The following GRM4 variants were observed in gnomAD, a reference collection of about 807,000 sequenced individuals.
The protein encoded by GRM4 is glutamate metabotropic receptor 4, also known as metabotropic glutamate receptor 4.
GRM4 carries 28 observed loss-of-function variants against 81.7 expected under a neutral mutation model. That is an observed-to-expected ratio of 0.34 (90% confidence interval 0.25 to 0.47). The LOEUF (loss-of-function observed/expected upper bound fraction) is 0.47. Among genes scored for constraint, GRM4 ranks in the 20% least tolerant of loss-of-function variants. The probability of loss-of-function intolerance (pLI) is 1.00; values close to 1 mark genes in which losing one functional copy is unlikely to be tolerated. For synonymous variants in GRM4, 488 were observed against 528.8 expected (o/e 0.92, Z 1.06); for missense variants, 948 against 1,290.0 (o/e 0.73, Z 4.06).
chr6:34,027,664 A>G (rs1375532089), intron 10 of GRM4, among the ~76,000 whole-genome samples: 1 of 152,124 alleles, frequency 6.6e-6, no homozygotes, highest in Non-Finnish European at 1.5e-5. Flanking sequence ...CGGGTTACCA[A>G]AGGGCCAGTG....
chr6:34,059,760 T>C lies in GRM4; in HGVS notation c.873-632A>G, dbSNP rs1766087460. On this transcript the variant is annotated intron_variant, in intron 4 of 10. Transcript: ENST00000538487. This position sits in a 1 kb window ranked among gnomAD's most constrained non-coding sequence, Gnocchi z 5.7. Reference sequence around the variant, plus strand: ...ACACAGCCCAGTCTGCCTGTGATGGTAATATAAATCAAACCAGGGACCCAA... The same window carrying C: ...ACACAGCCCAGTCTGCCTGTGATGGCAATATAAATCAAACCAGGGACCCAA... 1 of 152,484 alleles carries C rather than the reference T, an allele frequency of 6.6e-6. No homozygotes were observed. The highest frequency in any genetic ancestry group is 6.5e-5 in the Admixed American group (1 of 15,330). 9.4% of individuals were successfully genotyped at this position (152,484 alleles called of 1,614,324 possible).
Position 34,144,056 on chromosome 6 carries a change from T to A in GRM4, c.-364+1944A>T, listed in dbSNP as rs376132420. Among the ~76,000 whole-genome samples, 10 of 152,242 alleles carry A rather than the reference T, an allele frequency of 6.6e-5. No homozygotes were observed. In the East Asian group the frequency reaches 1.9e-3, roughly 29 times the overall value. ...GTTCTCCCGCGCCAGGGGCCGGCAATGGTGCGGAGAGGGGAGAAAGAAGCA... is the reference window on the plus strand; with the variant it reads ...GTTCTCCCGCGCCAGGGGCCGGCAAAGGTGCGGAGAGGGGAGAAAGAAGCA... On this transcript the variant is annotated intron_variant, in intron 1 of 10. Coordinates refer to ENST00000538487, the MANE Select transcript of GRM4 (RefSeq NM_000841.4).
chr6:34,079,899 C>T (rs1767498216), intron 3 of GRM4, among the ~76,000 whole-genome samples: 1 of 152,192 alleles, frequency 6.6e-6, no homozygotes, highest in South Asian at 2.1e-4. Flanking sequence ...GGGCCCCACT[C>T]TATTCCCTGC....
At chr6:34,053,907 C>G (rs548967640) in intron 6 of GRM4, among the ~76,000 whole-genome samples, 3 of 152,368 alleles carry the variant, frequency 2.0e-5, no homozygotes, top group African/African-American at 7.2e-5. Flanking sequence ...GCCTAGGCCC[C>G]ACCCCTAAGG....
rs1763880944 is a variant in GRM4, at chr6:34,021,776, C to T, written c.*1045G>A. 1 of 152,802 alleles carries T rather than the reference C, an allele frequency of 6.5e-6. No homozygotes were observed. Among genetic ancestry groups the T allele is most frequent in the Non-Finnish European group, 1.5e-5 (1 of 68,204 alleles). 9.5% of individuals were successfully genotyped at this position (152,802 alleles called of 1,614,324 possible). On this transcript the variant is annotated 3_prime_UTR_variant, in exon 11 of 11. Coordinates refer to ENST00000538487, the MANE Select transcript of GRM4 (RefSeq NM_000841.4). This position sits in a 1 kb window ranked among gnomAD's most constrained non-coding sequence, Gnocchi z 5.3. ...TCCAGAGCCCAGTTCCCGCTTCCCTCTAGGTCTAAGCCCTCCAGCTGCAGG... is the reference window on the plus strand; with the variant it reads ...TCCAGAGCCCAGTTCCCGCTTCCCTTTAGGTCTAAGCCCTCCAGCTGCAGG...
At chr6:34,063,817 T>C (rs537107363) in intron 3 of GRM4, among the ~76,000 whole-genome samples, 7 of 152,196 alleles carry the variant, frequency 4.6e-5, no homozygotes, top group African/African-American at 1.7e-4. Context: ...AGTGGGCCAA[T>C]TGCGACATTC....
chr6:34,127,870 G>A (rs1770080325), intron 2 of GRM4, among the ~76,000 whole-genome samples: 1 of 152,182 alleles, frequency 6.6e-6, no homozygotes, highest in Non-Finnish European at 1.5e-5. Context: ...AACACATAAA[G>A]ACACAAAGCC....
chr6:34,083,914 A>G (rs768493499), intron 3 of GRM4, among the ~76,000 whole-genome samples: 2 of 152,106 alleles, frequency 1.3e-5, no homozygotes, highest in Non-Finnish European at 1.5e-5. Flanking sequence ...CCACCATGCA[A>G]TTGGCCCCAA....
chr6:34,039,868 CT>C (rs2127446031), intron 8 of GRM4, among the ~76,000 whole-genome samples: 1 of 151,248 alleles, frequency 6.6e-6, no homozygotes, highest in East Asian at 2.0e-4. Context: ...CCATTTCACA[CT>C]GGTGTGAATT....
Position 34,048,828 on chromosome 6 carries a change from T to C in GRM4, c.1168+7716A>G, listed in dbSNP as rs1220404734. Among the ~76,000 whole-genome samples the C allele has an allele frequency of 6.6e-6, 1 of 152,130 alleles. No individual in the cohort carries two copies. Among genetic ancestry groups the C allele is most frequent in the African/African-American group, 2.4e-5 (1 of 41,416 alleles). On this transcript the variant is annotated intron_variant, in intron 6 of 10. Coordinates refer to ENST00000538487, the MANE Select transcript of GRM4 (RefSeq NM_000841.4). The surrounding 1 kb of genome is among the most constrained non-coding windows in gnomAD (Gnocchi z 4.0). ...ACCATGGTAAGCCGTGCTTGCTTCC[T>C]CTTCGCCTTCCACCATGATTGTAAG...
In GRM4 at chr6:34,069,647, A is replaced by AGTGTGTGTGTGTGTGTGTGTGT. The variant is rs3222082; in HGVS notation, c.737-7641_737-7620dup. Among the ~76,000 whole-genome samples, 10 of 144,498 alleles carry AGTGTGTGTGTGTGTGTGTGTGT rather than the reference A, an allele frequency of 6.9e-5. No individual in the cohort carries two copies. Among genetic ancestry groups the AGTGTGTGTGTGTGTGTGTGTGT allele is most frequent in the African/African-American group, 2.2e-4 (9 of 40,486 alleles). The allele number at this position is 144,498 out of a possible 152,430, so 94.8% of individuals were successfully genotyped here. On this transcript the variant is annotated intron_variant, in intron 3 of 10. Transcript: ENST00000538487. This position sits in a 1 kb window ranked among gnomAD's most constrained non-coding sequence, Gnocchi z 6.4. ...GGCTTTACAACCCTTGGCAGCCCCC[A>AGTGTGTGTGTGTGTGTGTGTGT]GTGTGTGTGTGTGTGTGTGTGTGTG... is the stretch of plus-strand genomic sequence containing the variant.
intron 2 of GRM4, among the ~76,000 whole-genome samples, chr6:34,127,529 T>C (rs1770068257): frequency 6.6e-6 from 1 of 152,104 alleles, no homozygotes; most frequent in African/African-American, 2.4e-5. Flanking sequence ...GGGAAGCCAA[T>C]AAAAGGTTTA....
chr6:34,142,590 A>G (rs976556169), intron 1 of GRM4, among the ~76,000 whole-genome samples: 2 of 152,134 alleles, frequency 1.3e-5, no homozygotes, highest in Non-Finnish European at 2.9e-5. Flanking sequence ...CTGGCGCTGG[A>G]CTGTGGACCC....
rs2499684 is a variant in GRM4, at chr6:34,068,294, C to T, written c.737-6266G>A. Among the ~76,000 whole-genome samples, 6,930 of 152,196 alleles carry T rather than the reference C, an allele frequency of 0.046. 328 individuals are homozygous for T. The highest frequency in any genetic ancestry group is 0.11 in the African/African-American group (4,677 of 41,510). The stretch of plus-strand genomic sequence containing the variant: ...ATTCTCTAGGAGCTGCTGCCTTGCC[C>T]GAGACCCCAGGAATTGAGAACACTC... On this transcript the variant is annotated intron_variant, in intron 3 of 10. Coordinates refer to ENST00000538487, the MANE Select transcript of GRM4 (RefSeq NM_000841.4). This position sits in a 1 kb window ranked among gnomAD's most constrained non-coding sequence, Gnocchi z 4.2.
At chr6:34,027,485 C>T (rs371565014) in intron 10 of GRM4, among the ~76,000 whole-genome samples, 4 of 152,164 alleles carry the variant, frequency 2.6e-5, no homozygotes, top group South Asian at 2.1e-4. Flanking sequence ...ACTACCTGAG[C>T]GCCGCTAGGC....
intron 6 of GRM4, among the ~76,000 whole-genome samples, chr6:34,045,932 G>T (rs1562022908): frequency 6.6e-6 from 1 of 152,242 alleles, no homozygotes. Flanking sequence ...GTGACAGTCA[G>T]CTGGGGAACC....
At chr6:34,051,687 C>A (rs1484621099) in intron 6 of GRM4, among the ~76,000 whole-genome samples, 1 of 152,168 alleles carries the variant, frequency 6.6e-6, no homozygotes, top group Non-Finnish European at 1.5e-5. Context: ...GGCTTGACAG[C>A]TGCAGAGATG....
chr6:34,105,260 C>G (rs78650232), intron 2 of GRM4, among the ~76,000 whole-genome samples: 1 of 152,168 alleles, frequency 6.6e-6, no homozygotes, highest in Non-Finnish European at 1.5e-5. Context: ...AGGAGGCCCC[C>G]CTGGGGCTCT....
intron 10 of GRM4, 77 bp downstream of exon 10, chr6:34,028,043 G>A: frequency 6.9e-7 from 1 of 1,456,288 alleles, no homozygotes. Flanking sequence ...GGTGGGGAGG[G>A]GCAGGAGCTC....
Sources: gnomAD v4.1 joint callset for allele counts (sites outside exome capture counted in the v4.1 genomes callset) on GRCh38, gnomAD v4.1.1 for gene constraint, Gnocchi (gnomAD v3.1) non-coding constraint, MANE v1.5 for transcripts, NCBI Gene and HGNC (gene_info 2026-07-23, HGNC 2026-07-21) for gene names.